Variants in TRMT9B observed in about 807,000 individuals in gnomAD.
TRMT9B encodes the protein probable tRNA methyltransferase 9B.
TRMT9B carries 16 observed loss-of-function variants against 11.5 expected under a neutral mutation model. That is an observed-to-expected ratio of 1.39 (90% CI 0.94 to 2.11). The LOEUF (loss-of-function observed/expected upper bound fraction) is 2.11. TRMT9B is among the 30% of genes most tolerant of loss of function. The pLI, the probability that TRMT9B is intolerant of heterozygous loss-of-function variation, is 0.00. For missense variants in TRMT9B, 941 were observed against 553.8 expected (o/e 1.70, Z -7.02); for synonymous variants, 274 against 192.4 (o/e 1.42, Z -3.51).
chr8:12,982,060 T>C (rs1295206113), intron 1 of TRMT9B, among the ~76,000 whole-genome samples: 2 of 152,226 alleles, frequency 1.3e-5, no homozygotes, highest in Admixed American at 1.3e-4. Context: ...TAGTAGGCTT[T>C]ACAATATCTG....
chr8:12,976,254 C>A (rs1056549638), intron 1 of TRMT9B, among the ~76,000 whole-genome samples: 1 of 152,174 alleles, frequency 6.6e-6, no homozygotes, highest in Non-Finnish European at 1.5e-5. Flanking sequence ...CGAAGATTTT[C>A]CACATGCAGC....
chr8:13,022,428 G>A lies in TRMT9B; in HGVS notation c.*384G>A, dbSNP rs1452496353. 5.7e-6 allele frequency: 1 copy of A among 176,514 alleles called. No homozygotes were observed. Among genetic ancestry groups the A allele is most frequent in the Non-Finnish European group, 1.3e-5 (1 of 75,008 alleles). 10.9% of individuals were successfully genotyped at this position (176,514 alleles called of 1,614,324 possible). A position where few individuals can be genotyped will look rare whatever the true frequency, so the allele number is the denominator to read the frequency against. ...TTTTAAAACGGTATTTTTATAAAGT[G>A]AGGGGATAATTTCTGGTTCTCAGGT... is the stretch of plus-strand genomic sequence containing the variant. On this transcript the variant is annotated 3_prime_UTR_variant, in exon 5 of 5. Coordinates refer to ENST00000524591, the MANE Select transcript of TRMT9B (RefSeq NM_020844.3).
rs547106941 is a variant in TRMT9B at position 12,970,138 on chromosome 8, G to A, written c.-199-20696G>A. On this transcript the variant is annotated intron_variant, in intron 1 of 4. Coordinates refer to ENST00000524591, the MANE Select transcript of TRMT9B (RefSeq NM_020844.3). The stretch of plus-strand genomic sequence containing the variant: ...CCTGGTGATAACACCAATACCACCT[G>A]GTTTTCTTCCAGGTATGTGCAAAGT... 1.1e-4 allele frequency: 16 copies of A among 152,118 alleles called. No individual in the cohort carries two copies. The East Asian group carries it at 2.9e-3, about 28-fold the overall frequency. 9.4% of individuals were successfully genotyped at this position (152,118 alleles called of 1,614,324 possible). A position where few individuals can be genotyped will look rare whatever the true frequency, so the allele number is the denominator to read the frequency against.
chr8:12,974,586 G>A (rs1563339969), intron 1 of TRMT9B, among the ~76,000 whole-genome samples: 1 of 152,174 alleles, frequency 6.6e-6, no homozygotes. Flanking sequence ...ACAACAGGTT[G>A]GCCAATAGAT....
chr8:12,975,735 CAAAAAT>C (rs33972121), intron 1 of TRMT9B, among the ~76,000 whole-genome samples: 117,862 of 149,084 alleles, frequency 0.79, 46,777 homozygotes, highest in Admixed American at 0.85. Flanking sequence ...AAGACTGTCT[CAAAAAT>C]AAAAATAAAA....
Position 13,021,688 on chromosome 8 carries a change from C to T in TRMT9B, c.1009C>T (p.His337Tyr), listed in dbSNP as rs758918557. Residue 337 changes from histidine (H) to tyrosine (Y), a missense_variant, in exon 5 of 5, where the codon CAT becomes TAT. Coordinates refer to ENST00000524591, the MANE Select transcript of TRMT9B (RefSeq NM_020844.3). ...CACTCTGAAACATTTAAATGGAGAC[C>T]ATCAAGGGGAAATGAGGAGAAATGG... Reference protein sequence around the residue: ...PGTLKHLNGDHQGEMRRNGGG... With the variant: ...PGTLKHLNGDYQGEMRRNGGG... The T allele has an allele frequency of 1.9e-6, 3 of 1,613,834 alleles. No individual in the cohort carries two copies. The highest frequency in any genetic ancestry group is 1.7e-5 in the Admixed American group (1 of 60,008).
At chr8:13,012,343 G>C (rs764401021) in intron 3 of TRMT9B, 3 of 888,342 alleles carry the variant, frequency 3.4e-6, no homozygotes, top group Non-Finnish European at 4.1e-6. Flanking sequence ...TTGGGAGGCC[G>C]AGGCAGGCGG....
intron 2 of TRMT9B, among the ~76,000 whole-genome samples, chr8:13,004,503 G>C (rs574837838): frequency 3.9e-5 from 6 of 151,986 alleles, no homozygotes; most frequent in Admixed American, 2.0e-4. Context: ...GGCCCAGGCA[G>C]AGTCCTGAGG....
At chr8:12,969,558 C>G (rs1056019089) in intron 1 of TRMT9B, among the ~76,000 whole-genome samples, 2 of 152,166 alleles carry the variant, frequency 1.3e-5, no homozygotes, top group Admixed American at 6.5e-5. Flanking sequence ...TTGCAATAAC[C>G]TAATACAATG....
At chr8:12,986,505 A>G (rs1319660490) in intron 1 of TRMT9B, among the ~76,000 whole-genome samples, 1 of 152,248 alleles carries the variant, frequency 6.6e-6, no homozygotes, top group East Asian at 1.9e-4. Context: ...GACCATTATG[A>G]CATTTCAAAA....
At chr8:13,003,600 C>G (rs1809859475) in intron 2 of TRMT9B, among the ~76,000 whole-genome samples, 1 of 151,898 alleles carries the variant, frequency 6.6e-6, no homozygotes, top group Non-Finnish European at 1.5e-5. Context: ...TGAGAAATAA[C>G]CCTTAAGAGG....
intron 3 of TRMT9B, chr8:13,011,002 G>A (rs1300445030): frequency 2.3e-6 from 2 of 854,956 alleles, no homozygotes; most frequent in Non-Finnish European, 2.8e-6. Context: ...TCTTTTTTGA[G>A]ACAAAATCTA....
chr8:13,006,424 C>A (rs921781574), intron 3 of TRMT9B, 68 bp downstream of exon 3: 4 of 1,535,788 alleles, frequency 2.6e-6, no homozygotes, highest in African/African-American at 1.4e-5. Flanking sequence ...GGTAACCAGG[C>A]AGCCTCATCG....
At chr8:12,955,948 T>C (rs1022684938) in intron 1 of TRMT9B, among the ~76,000 whole-genome samples, 1 of 152,132 alleles carries the variant, frequency 6.6e-6, no homozygotes, top group Non-Finnish European at 1.5e-5. Flanking sequence ...GGGTGCACCT[T>C]TTGGGCTGTG....
chr8:12,955,006 T>C (rs1194942059), intron 1 of TRMT9B, among the ~76,000 whole-genome samples: 3 of 152,164 alleles, frequency 2.0e-5, no homozygotes, highest in South Asian at 2.1e-4. Flanking sequence ...GTTGGCACAT[T>C]GTGAGCAGTC....
intron 1 of TRMT9B, among the ~76,000 whole-genome samples, chr8:12,964,604 T>C (rs1802571422): frequency 1.3e-5 from 2 of 152,210 alleles, no homozygotes; most frequent in Admixed American, 6.5e-5. Flanking sequence ...AGACGGGGTC[T>C]CTCTCTGTCA....
chr8:12,973,625 T>C lies in TRMT9B; in HGVS notation c.-199-17209T>C, dbSNP rs1454960499. On this transcript the variant is annotated intron_variant, in intron 1 of 4. Coordinates refer to ENST00000524591, the MANE Select transcript of TRMT9B (RefSeq NM_020844.3). ...GATCTCATCTGGAGAGGTGAAGAGA[T>C]GGCGGGTGAAACATGTTGGAGGTGT... is the stretch of plus-strand genomic sequence containing the variant. 9.9e-5 allele frequency among the ~76,000 whole-genome samples: 15 copies of C among 152,096 alleles called. No individual in the cohort carries two copies. The East Asian group carries it at 2.5e-3, about 25-fold the overall frequency.
At chr8:12,975,625 C>G (rs1005608055) in intron 1 of TRMT9B, among the ~76,000 whole-genome samples, 1 of 152,060 alleles carries the variant, frequency 6.6e-6, no homozygotes, top group Non-Finnish European at 1.5e-5. Context: ...GTAATCCCAG[C>G]TACTTTGGAA....
intron 1 of TRMT9B, among the ~76,000 whole-genome samples, chr8:12,947,627 C>G (rs138943933): frequency 1.3e-5 from 2 of 152,170 alleles, no homozygotes; most frequent in Non-Finnish European, 2.9e-5. Flanking sequence ...GCATTGAGTT[C>G]TAAGTGCTAA....
Sources: allele counts gnomAD v4.1 joint callset (sites outside exome capture counted in the v4.1 genomes callset), GRCh38; gene constraint gnomAD v4.1.1; transcripts MANE v1.5; gene names NCBI Gene and HGNC (gene_info 2026-07-23, HGNC 2026-07-21).